Variants in FSTL4 observed in about 807,000 individuals in gnomAD.
FSTL4 encodes the protein follistatin-related protein 4.
A neutral mutation model predicts 78.2 loss-of-function variants in FSTL4; 28 were observed. That is an observed-to-expected ratio of 0.36 (90% CI 0.27 to 0.49). The LOEUF (loss-of-function observed/expected upper bound fraction) is 0.49. FSTL4 is among the 20% of genes least tolerant of loss of function. The pLI is 0.98. For synonymous variants in FSTL4, 422 were observed against 440.5 expected, an observed-to-expected ratio of 0.96 and a Z score of 0.53; for missense variants, 922 against 1,084.9, an observed-to-expected ratio of 0.85 and a Z score of 2.11.
At chr5:133,598,661 C>A (rs367109) in intron 2 of FSTL4, among the ~76,000 whole-genome samples, 14,183 of 152,064 alleles carry the variant, frequency 0.093, 805 homozygotes, top group African/African-American at 0.16. Flanking sequence ...CAACCAGCAC[C>A]GCACCTGCAG....
intron 3 of FSTL4, among the ~76,000 whole-genome samples, chr5:133,489,131 C>A (rs1387852274): frequency 6.6e-6 from 1 of 152,230 alleles, no homozygotes; most frequent in African/African-American, 2.4e-5. Context: ...ATCCAAAATT[C>A]TTAAGATAAA....
the FSTL4 span, among the ~76,000 whole-genome samples, chr5:133,832,592 G>A: frequency 6.6e-6 from 1 of 152,226 alleles, no homozygotes. Flanking sequence ...CTCTGCCCAT[G>A]GGCAAGTCCA....
chr5:133,229,866 C>CA (rs11405988), intron 8 of FSTL4, among the ~76,000 whole-genome samples: 26,223 of 152,174 alleles, frequency 0.17, 2,441 homozygotes, highest in African/African-American at 0.25. Flanking sequence ...GCCCTACCCT[C>CA]ATGGAGCTTT....
chr5:133,528,695 T>C (rs1759187358), intron 3 of FSTL4, among the ~76,000 whole-genome samples: 1 of 152,204 alleles, frequency 6.6e-6, no homozygotes, highest in Admixed American at 6.5e-5. Context: ...AGGCCACTGT[T>C]CCCAGCCAAC....
the FSTL4 span, among the ~76,000 whole-genome samples, chr5:133,778,705 C>T: frequency 4.3e-4 from 66 of 152,300 alleles, no homozygotes; most frequent in Middle Eastern, 0.014. Context: ...TTCTCCAAAA[C>T]CTCCCTTTGA....
the FSTL4 span, among the ~76,000 whole-genome samples, chr5:133,756,484 T>C: frequency 6.6e-6 from 1 of 152,022 alleles, no homozygotes. Flanking sequence ...CATAGGGTAA[T>C]AAGTGCATAG....
intron 4 of FSTL4, among the ~76,000 whole-genome samples, chr5:133,327,395 G>A (rs1195791565): frequency 6.6e-6 from 1 of 152,190 alleles, no homozygotes; most frequent in East Asian, 1.9e-4. Flanking sequence ...CACGCTTTGG[G>A]AAACACAGTT....
chr5:133,829,764 A>G, the FSTL4 span, among the ~76,000 whole-genome samples: 143,562 of 152,276 alleles, frequency 0.94, 68,298 homozygotes, highest in Middle Eastern at 1. Flanking sequence ...CAAAGAGGCT[A>G]TTTCTAGAGC....
At chr5:133,777,361 A>G in the FSTL4 span, among the ~76,000 whole-genome samples, 2,328 of 152,370 alleles carry the variant, frequency 0.015, 73 homozygotes, top group African/African-American at 0.054. Context: ...GAAATGCACC[A>G]AAATGCTAAT....
chr5:133,509,765 A>G (rs1758686716), intron 3 of FSTL4, among the ~76,000 whole-genome samples: 1 of 152,266 alleles, frequency 6.6e-6, no homozygotes, highest in Non-Finnish European at 1.5e-5. Flanking sequence ...GTAAGCAACC[A>G]GGAAAGGAGA....
At chr5:133,207,090 C>G (rs1750540380) in intron 14 of FSTL4, among the ~76,000 whole-genome samples, 1 of 152,050 alleles carries the variant, frequency 6.6e-6, no homozygotes, top group Non-Finnish European at 1.5e-5. Flanking sequence ...TAGTGATATA[C>G]TTTTTTATAT....
At chr5:133,358,734 G>T (rs907902171) in intron 4 of FSTL4, among the ~76,000 whole-genome samples, 2 of 151,878 alleles carry the variant, frequency 1.3e-5, no homozygotes, top group Admixed American at 6.6e-5. Context: ...TGAGTAGCTG[G>T]GATTACAGGC....
the FSTL4 span, among the ~76,000 whole-genome samples, chr5:133,664,183 G>A: frequency 6.6e-6 from 1 of 152,120 alleles, no homozygotes; most frequent in African/African-American, 2.4e-5. Context: ...ATGATCACGT[G>A]TCAAGGAGGC....
At chr5:133,817,767 T>C in the FSTL4 span, among the ~76,000 whole-genome samples, 1 of 152,228 alleles carries the variant, frequency 6.6e-6, no homozygotes, top group Non-Finnish European at 1.5e-5. Context: ...GGCCCAGAAA[T>C]ACAGAGTATG....
the FSTL4 span, among the ~76,000 whole-genome samples, chr5:133,767,850 G>C: frequency 6.6e-6 from 1 of 152,180 alleles, no homozygotes; most frequent in African/African-American, 2.4e-5. Flanking sequence ...GGCTCTGCAG[G>C]GGTGCTGCTT....
At chr5:133,458,153 G>C (rs1194323410) in intron 3 of FSTL4, 3 of 152,156 alleles carry the variant, frequency 2.0e-5, no homozygotes, top group Admixed American at 2.0e-4. Flanking sequence ...AGATCAAAAG[G>C]ATGATATTGT....
intron 3 of FSTL4, among the ~76,000 whole-genome samples, chr5:133,417,318 C>T (rs1756596361): frequency 6.6e-6 from 1 of 150,692 alleles, no homozygotes; most frequent in Admixed American, 6.6e-5. Flanking sequence ...ATAAAAAAGG[C>T]CTGTACTGAA....
the FSTL4 span, among the ~76,000 whole-genome samples, chr5:133,817,125 C>T: frequency 6.6e-6 from 1 of 152,254 alleles, no homozygotes; most frequent in Admixed American, 6.5e-5. Flanking sequence ...GTTCACTACC[C>T]CGCTGTGTTA....
intron 6 of FSTL4, among the ~76,000 whole-genome samples, chr5:133,265,781 A>G (rs1043497639): frequency 6.6e-6 from 1 of 152,066 alleles, no homozygotes; most frequent in African/African-American, 2.4e-5. Flanking sequence ...GCTGGACCTG[A>G]TGCCACTGAC....
Sources: gnomAD v4.1 joint callset for allele counts (sites outside exome capture counted in the v4.1 genomes callset) on GRCh38, gnomAD v4.1.1 for gene constraint, MANE v1.5 for transcripts, NCBI Gene and HGNC (gene_info 2026-07-23, HGNC 2026-07-21) for gene names.